IL6R: variants seen among roughly 807,000 people sequenced by gnomAD.
IL6R encodes the protein interleukin 6 receptor.
In IL6R, 38 loss-of-function variants were observed where a neutral mutation model predicts 48.3. The observed-to-expected ratio is 0.79, with a 90% CI of 0.61 to 1.03. The LOEUF (loss-of-function observed/expected upper bound fraction) is 1.03, where lower values mean the gene tolerates loss of function less well. Among genes scored for constraint, IL6R ranks in the 50% least tolerant of loss-of-function variants. IL6R has a pLI of 0.00. For synonymous variants in IL6R, 264 were observed against 256.2 expected (o/e 1.03, Z -0.29); for missense variants, 534 against 618.3 (o/e 0.86, Z 1.45).
Position 154,420,938 on chromosome 1 carries a change from C to G in IL6R, c.86-8258C>G, listed in dbSNP as rs1411490472. On this transcript the variant is annotated intron_variant, in intron 1 of 9. Transcript: ENST00000368485. ...CAGTGATTAAACTGACCAGACCAGACCAGACACCAACACTGACTGTTGAGG... is the reference window on the plus strand; with the variant it reads ...CAGTGATTAAACTGACCAGACCAGAGCAGACACCAACACTGACTGTTGAGG... 1.3e-5 allele frequency among the ~76,000 whole-genome samples: 2 copies of G among 152,194 alleles called. 1 individual carries two copies. Among genetic ancestry groups the G allele is most frequent in the Non-Finnish European group, 2.9e-5 (2 of 68,040 alleles).
At chr1:154,410,196 C>G (rs1368972387) in intron 1 of IL6R, among the ~76,000 whole-genome samples, 1 of 151,886 alleles carries the variant, frequency 6.6e-6, no homozygotes, top group African/African-American at 2.4e-5. Flanking sequence ...AACTGCAAGT[C>G]TGCAGGTGGG....
At chr1:154,432,651 C>T (rs931839372) in intron 3 of IL6R, among the ~76,000 whole-genome samples, 34 of 152,220 alleles carry the variant, frequency 2.2e-4, no homozygotes, top group Non-Finnish European at 4.0e-4. Context: ...AGCCACCGCG[C>T]CCGGCTTGAC....
chr1:154,447,576 C>CAT (rs200616404), intron 6 of IL6R, among the ~76,000 whole-genome samples: 1,981 of 143,148 alleles, frequency 0.014, 41 homozygotes, highest in African/African-American at 0.04. Context: ...TATACACATA[C>CAT]ATATATATAT....
intron 1 of IL6R, among the ~76,000 whole-genome samples, chr1:154,408,662 A>G (rs2149201892): frequency 6.6e-6 from 1 of 152,274 alleles, no homozygotes; most frequent in Non-Finnish European, 1.5e-5. Context: ...GGGTATTTGT[A>G]GATTACACAA....
intron 1 of IL6R, among the ~76,000 whole-genome samples, chr1:154,425,188 T>C (rs533412456): frequency 1.3e-5 from 2 of 152,300 alleles, no homozygotes; most frequent in South Asian, 4.1e-4. Context: ...TTTTAGTTTT[T>C]ACTACTTCTT....
At chr1:154,428,456 A>T (rs1195231609) in intron 1 of IL6R, among the ~76,000 whole-genome samples, 2 of 152,112 alleles carry the variant, frequency 1.3e-5, no homozygotes, top group African/African-American at 2.4e-5. Context: ...TGCCATGAAT[A>T]CCCTGCGATT....
rs1203731122 is a variant in IL6R, at chr1:154,414,645, G to GGT, written c.85+8934_85+8935dup. On this transcript the variant is annotated intron_variant, in intron 1 of 9. Transcript: ENST00000368485. ...TGTCAAGCAGGATGTCGATGAAGAC[G>GGT]GTGTAGCTCTTGGCGAGGATGTTAC... 3.6e-6 allele frequency: 3 copies of GGT among 830,576 alleles called. No individual in the cohort carries two copies. In the African/African-American group the frequency reaches 5.0e-5, roughly 14 times the overall value. The allele number at this position is 830,576 out of a possible 1,614,324, so 51.5% of individuals were successfully genotyped here. A position where few individuals can be genotyped will look rare whatever the true frequency, so the allele number is the denominator to read the frequency against.
rs35390021 is a variant in IL6R at position 154,440,655 on chromosome 1, C to CTTTT, written c.949+4559_949+4562dup. On this transcript the variant is annotated intron_variant, in intron 6 of 9. Coordinates refer to ENST00000368485, the MANE Select transcript of IL6R (RefSeq NM_000565.4). ...TTTGCATTTCCCTAATGATTAATGT[C>CTTTT]TTTTTTTTTTTTTTTTTGAGACAGA... 5.6e-4 allele frequency among the ~76,000 whole-genome samples: 76 copies of CTTTT among 134,946 alleles called. 2 individuals are homozygous for CTTTT. The highest frequency in any genetic ancestry group is 1.5e-3 in the African/African-American group (56 of 36,650). 88.5% of individuals were successfully genotyped at this position (134,946 alleles called of 152,430 possible). A position where few individuals can be genotyped will look rare whatever the true frequency, so the allele number is the denominator to read the frequency against.
chr1:154,437,721 A>AT lies in IL6R; in HGVS notation c.949+1622dup, dbSNP rs904280006. Among the ~76,000 whole-genome samples the AT allele has an allele frequency of 5.4e-4, 79 of 146,012 alleles. 1 individual carries two copies. The East Asian group carries it at 7.0e-3, about 13-fold the overall frequency. On this transcript the variant is annotated intron_variant, in intron 6 of 9. Transcript: ENST00000368485. ...GCCACTGCACCTGACTAAACTTTAAATTTTTTTTTTTAGACGGAATCTCGC... is the reference window on the plus strand; with the variant it reads ...GCCACTGCACCTGACTAAACTTTAAATTTTTTTTTTTTAGACGGAATCTCGC...
At chr1:154,409,096 C>A (rs1414199765) in intron 1 of IL6R, among the ~76,000 whole-genome samples, 1 of 152,140 alleles carries the variant, frequency 6.6e-6, no homozygotes, top group African/African-American at 2.4e-5. Context: ...CATGTTTGCA[C>A]TACCGAATTC....
chr1:154,444,229 A>G (rs1690087608), intron 6 of IL6R, among the ~76,000 whole-genome samples: 1 of 147,804 alleles, frequency 6.8e-6, no homozygotes. Flanking sequence ...TTTTTTTGAA[A>G]CGGAGTTTCG....
chr1:154,436,193 C>G, intron 6 of IL6R, 83 bp downstream of exon 6: 2 of 1,458,574 alleles, frequency 1.4e-6, no homozygotes, highest in East Asian at 2.4e-5. Context: ...CAAGTTGCCT[C>G]AAAACTAGTG....
chr1:154,406,102 G>T (rs868043956), intron 1 of IL6R, among the ~76,000 whole-genome samples: 12 of 152,200 alleles, frequency 7.9e-5, no homozygotes, highest in African/African-American at 1.9e-4. Context: ...CCCCAGCGGG[G>T]TGATGTACCC....
chr1:154,406,015 C>G (rs567822462), intron 1 of IL6R, among the ~76,000 whole-genome samples: 33 of 152,200 alleles, frequency 2.2e-4, no homozygotes, highest in Non-Finnish European at 4.1e-4. Flanking sequence ...TCTCGAGCTT[C>G]CTTCCCAGTG....
intron 3 of IL6R, among the ~76,000 whole-genome samples, chr1:154,433,500 G>A (rs2149242304): frequency 6.6e-6 from 1 of 152,202 alleles, no homozygotes; most frequent in Admixed American, 6.5e-5. Flanking sequence ...TTTTTTGTTA[G>A]TGCCTTGAAG....
At chr1:154,422,470 A>G (rs1688725953) in intron 1 of IL6R, among the ~76,000 whole-genome samples, 1 of 152,220 alleles carries the variant, frequency 6.6e-6, no homozygotes, top group Non-Finnish European at 1.5e-5. Context: ...TGGGGTTTAA[A>G]GAAGATTACG....
chr1:154,449,551 G>C (rs1423033716), intron 7 of IL6R, among the ~76,000 whole-genome samples: 1 of 152,112 alleles, frequency 6.6e-6, no homozygotes, highest in Non-Finnish European at 1.5e-5. Context: ...TCTGTCCAAG[G>C]TGACATAGCT....
chr1:154,465,380 G>C lies in IL6R; in HGVS notation c.1407G>C (p.Ter469TyrextTer13). The C allele has an allele frequency of 6.2e-7, 1 of 1,614,082 alleles. No homozygotes were observed. The highest frequency in any genetic ancestry group is 8.5e-7 in the Non-Finnish European group (1 of 1,179,984). Residue 469 changes from the stop codon to tyrosine (Y), a stop_lost, in exon 10 of 10, where the codon TAG becomes TAC. Transcript: ENST00000368485. ...ATACAGACTACTTCTTCCCCAGATA[G>C]CTGGCTGGGTGGCACCAGCAGCCTG... The part of the protein sequence containing the change: ...ISNTDYFFPR[*>Y]
intron 3 of IL6R, among the ~76,000 whole-genome samples, chr1:154,431,576 G>T (rs934070571): frequency 6.6e-6 from 1 of 152,146 alleles, no homozygotes; most frequent in African/African-American, 2.4e-5. Context: ...TGTGAATGTG[G>T]TCTCTCTGTT....
Sources: gnomAD v4.1 joint callset for allele counts (sites outside exome capture counted in the v4.1 genomes callset) on GRCh38, gnomAD v4.1.1 for gene constraint, MANE v1.5 for transcripts, NCBI Gene and HGNC (gene_info 2026-07-23, HGNC 2026-07-21) for gene names.